The following SEMA3A variants were observed in gnomAD, a reference collection of about 807,000 sequenced individuals.
SEMA3A encodes the protein semaphorin 3A, also known as semaphorin-3A.
A neutral mutation model predicts 97.9 loss-of-function variants in SEMA3A; 29 were observed. The ratio of observed to expected loss-of-function variants is 0.30; its 90% confidence interval spans 0.22 to 0.40. SEMA3A has a LOEUF of 0.40. Among genes scored for constraint, SEMA3A ranks in the 10% least tolerant of loss-of-function variants. SEMA3A has a pLI of 1.00. For synonymous variants in SEMA3A, 321 were observed against 323.7 expected (o/e 0.99, Z 0.09); for missense variants, 763 against 951.3 (o/e 0.80, Z 2.60).
At chr7:84,019,976 T>A (rs1033283172) in intron 6 of SEMA3A, among the ~76,000 whole-genome samples, 1 of 151,060 alleles carries the variant, frequency 6.6e-6, no homozygotes, top group African/African-American at 2.4e-5. Context: ...CTTCTATAAA[T>A]GAAGTAATCA....
At chr7:84,371,642 G>GA (rs1045659782) in intron 2 of SEMA3A, among the ~76,000 whole-genome samples, 11 of 151,704 alleles carry the variant, frequency 7.3e-5, no homozygotes, top group Non-Finnish European at 1.2e-4. Flanking sequence ...ATTTGAATTT[G>GA]AAAAAATCAA....
intron 2 of SEMA3A, among the ~76,000 whole-genome samples, chr7:84,360,843 G>T (rs1016174500): frequency 6.6e-6 from 1 of 151,676 alleles, no homozygotes; most frequent in Non-Finnish European, 1.5e-5. Context: ...ACCCAGGCTG[G>T]AGTGCAGTGG....
chr7:84,213,156 T>C (rs1036777746), intron 3 of SEMA3A, among the ~76,000 whole-genome samples: 1 of 152,086 alleles, frequency 6.6e-6, no homozygotes, highest in African/African-American at 2.4e-5. Flanking sequence ...GTTGTATTTT[T>C]AGTAGAGATG....
At chr7:83,963,397 C>T (rs1394675489) in intron 15 of SEMA3A, 50 bp from the exon 16 acceptor site, 1 of 1,561,824 alleles carries the variant, frequency 6.4e-7, no homozygotes, top group Non-Finnish European at 8.7e-7. Context: ...GAAGTAATTT[C>T]AACTTTCCAA....
chr7:84,137,400 C>A (rs1458685968), intron 1 of SEMA3A, among the ~76,000 whole-genome samples: 633 of 100,074 alleles, frequency 6.3e-3, no homozygotes, highest in Middle Eastern at 0.012. Context: ...CATTCAGTCT[C>A]AAAAAAAAAA....
At chr7:84,237,788 T>G (rs1799270267) in intron 3 of SEMA3A, among the ~76,000 whole-genome samples, 1 of 152,126 alleles carries the variant, frequency 6.6e-6, no homozygotes, top group Admixed American at 6.6e-5. Flanking sequence ...CACTATGGTT[T>G]ACTATAGTTA....
At chr7:84,098,754 G>A (rs1794855763) in intron 4 of SEMA3A, among the ~76,000 whole-genome samples, 1 of 151,968 alleles carries the variant, frequency 6.6e-6, no homozygotes, top group African/African-American at 2.4e-5. Context: ...ATCTCAATGG[G>A]GTATAATATT....
At chr7:83,999,850 C>T (rs1480595699) in intron 12 of SEMA3A, among the ~76,000 whole-genome samples, 2 of 152,032 alleles carry the variant, frequency 1.3e-5, no homozygotes, top group Non-Finnish European at 2.9e-5. Flanking sequence ...TCCAAATATA[C>T]GTTGGTAAAG....
intron 2 of SEMA3A, among the ~76,000 whole-genome samples, chr7:84,312,905 TATATATATATATATATAC>T (rs1159537052): frequency 0.04 from 2,245 of 55,856 alleles, 118 homozygotes; most frequent in Non-Finnish European, 0.072. Context: ...TATATATATA[TATATATATATATATATAC>T]ACACACACAC....
intron 1 of SEMA3A, among the ~76,000 whole-genome samples, chr7:84,415,582 A>G (rs1804411100): frequency 6.6e-6 from 1 of 152,112 alleles, no homozygotes; most frequent in Non-Finnish European, 1.5e-5. Flanking sequence ...AATTTGGCCA[A>G]ACTACTTATA....
chr7:84,425,874 ACACC>A (rs71078828), intron 1 of SEMA3A, among the ~76,000 whole-genome samples: 2,529 of 74,100 alleles, frequency 0.034, 32 homozygotes, highest in Middle Eastern at 0.058. Flanking sequence ...ACACACACAC[ACACC>A]CACACACACA....
chr7:84,254,096 T>C (rs1171322497), intron 3 of SEMA3A, among the ~76,000 whole-genome samples: 1 of 152,194 alleles, frequency 6.6e-6, no homozygotes, highest in Admixed American at 6.5e-5. Context: ...TGAACTGCTG[T>C]CCTCAAACAT....
Position 83,966,467 on chromosome 7 carries a change from C to A in SEMA3A, c.1718-3120G>T, listed in dbSNP as rs540086138. On this transcript the variant is annotated intron_variant, in intron 15 of 16. Transcript: ENST00000265362. ...GCCCTTAGTAAGTTTGCTTTGATAA[C>A]TACTCTTGCCAGTACCTCAAAGTCT... Among the ~76,000 whole-genome samples the A allele has an allele frequency of 1.1e-4, 17 of 152,252 alleles. 1 individual carries two copies. The South Asian group carries it at 3.5e-3, about 32-fold the overall frequency.
In SEMA3A at chr7:84,121,572, G is replaced by T. The variant is rs1183121631; in HGVS notation, c.333+7551C>A. Reference sequence around the variant, plus strand: ...TTTTTTTGGCTGCATAGTATTCCACGGTGTATATGTGCCACATTTTCTTAA... The same window carrying T: ...TTTTTTTGGCTGCATAGTATTCCACTGTGTATATGTGCCACATTTTCTTAA... On this transcript the variant is annotated intron_variant, in intron 3 of 16. Transcript: ENST00000265362. Among the ~76,000 whole-genome samples, 4 of 142,254 alleles carry T rather than the reference G, an allele frequency of 2.8e-5. No homozygotes were observed. In the South Asian group the frequency reaches 7.0e-4, roughly 25 times the overall value. The allele number at this position is 142,254 out of a possible 152,430, so 93.3% of individuals were successfully genotyped here.
intron 2 of SEMA3A, among the ~76,000 whole-genome samples, chr7:84,133,772 C>T (rs896896611): frequency 2.0e-5 from 3 of 151,278 alleles, no homozygotes; most frequent in Admixed American, 6.6e-5. Context: ...TATAAAAGGC[C>T]GGGCGCGGTG....
At chr7:84,087,248 G>T (rs530846337) in intron 4 of SEMA3A, among the ~76,000 whole-genome samples, 2 of 152,236 alleles carry the variant, frequency 1.3e-5, no homozygotes, top group South Asian at 4.2e-4. Context: ...TGATTCATTA[G>T]AAGTGTGATT....
At chr7:83,988,472 G>GC (rs1371570289) in intron 12 of SEMA3A, among the ~76,000 whole-genome samples, 1 of 151,872 alleles carries the variant, frequency 6.6e-6, no homozygotes. Context: ...CTCGTGATCC[G>GC]CCACCTCAGC....
At chr7:84,324,953 A>G (rs1055189722) in intron 2 of SEMA3A, among the ~76,000 whole-genome samples, 3 of 152,170 alleles carry the variant, frequency 2.0e-5, no homozygotes, top group East Asian at 1.9e-4. Flanking sequence ...TCCATCCGTC[A>G]AAGACCTTAC....
intron 4 of SEMA3A, among the ~76,000 whole-genome samples, chr7:84,077,352 T>A: frequency 6.6e-6 from 1 of 152,142 alleles, no homozygotes; most frequent in East Asian, 1.9e-4. Flanking sequence ...GTAAAGCTAT[T>A]ATTTTTTTAC....
Sources: gnomAD v4.1 joint callset for allele counts (sites outside exome capture counted in the v4.1 genomes callset) on GRCh38, gnomAD v4.1.1 for gene constraint, MANE v1.5 for transcripts, NCBI Gene and HGNC (gene_info 2026-07-23, HGNC 2026-07-21) for gene names.